The following EDARADD variants were observed in gnomAD, a reference collection of about 807,000 sequenced individuals.
EDARADD encodes the protein EDAR associated via death domain.
A neutral mutation model predicts 25.6 loss-of-function variants in EDARADD; 20 were observed. That is an observed-to-expected ratio of 0.78 (90% confidence interval 0.55 to 1.14). The LOEUF is 1.14. Among genes scored for constraint, EDARADD ranks in the 50% most tolerant of loss-of-function variants. EDARADD has a pLI of 0.00. For synonymous variants in EDARADD, 86 were observed against 94.4 expected, an observed-to-expected ratio of 0.91 and a Z score of 0.52; for missense variants, 225 against 270.1, an observed-to-expected ratio of 0.83 and a Z score of 1.17.
intron 4 of EDARADD, among the ~76,000 whole-genome samples, chr1:236,463,054 T>TTA (rs1367279202): frequency 3.7e-5 from 4 of 107,684 alleles, no homozygotes; most frequent in Non-Finnish European, 8.0e-5. Context: ...TTACATTAAT[T>TTA]TACACACACA....
Position 236,380,062 on chromosome 1 carries a change from C to T in EDARADD, c.-5-29154C>T, listed in dbSNP as rs183682623. Among the ~76,000 whole-genome samples the T allele has an allele frequency of 1.8e-4, 28 of 152,276 alleles. 1 individual carries two copies. Among genetic ancestry groups the T allele is most frequent in the African/African-American group, 6.3e-4 (26 of 41,560 alleles). On this transcript the variant is annotated intron_variant, in intron 3 of 7. Transcript: ENST00000439430. ...CTGAGCTGCTGTTTGCCTTTGGTGC[C>T]CGTACCTGCCTCTCAGTGTACTTCC...
chr1:236,434,477 C>A (rs973759011), intron 4 of EDARADD, among the ~76,000 whole-genome samples: 2 of 152,080 alleles, frequency 1.3e-5, no homozygotes, highest in Non-Finnish European at 2.9e-5. Flanking sequence ...TGACCTCAAG[C>A]GATCCACCCG....
chr1:236,423,193 G>A (rs1657824899), intron 3 of EDARADD, among the ~76,000 whole-genome samples: 1 of 152,138 alleles, frequency 6.6e-6, no homozygotes, highest in Admixed American at 6.5e-5. Context: ...GCAAGTACTG[G>A]CATCAATGAG....
chr1:236,394,420 T>C lies in EDARADD; in HGVS notation c.-25T>C. 1 of 1,613,852 alleles carries C rather than the reference T, an allele frequency of 6.2e-7. No individual in the cohort carries two copies. Among genetic ancestry groups the C allele is most frequent in the African/African-American group, 1.3e-5 (1 of 75,018 alleles). Reference sequence around the variant, plus strand: ...TTCTTCCATGGCAAACTCCAGAGAATTAAGAAGCCAAACTCAACATCGCCA... The same window carrying C: ...TTCTTCCATGGCAAACTCCAGAGAACTAAGAAGCCAAACTCAACATCGCCA... On this transcript the variant is annotated 5_prime_UTR_variant, in exon 1 of 6. Coordinates refer to ENST00000334232, the MANE Select transcript of EDARADD (RefSeq NM_145861.4).
Position 236,395,492 on chromosome 1 carries a change from C to T in EDARADD, c.61+987C>T. 1 of 1,521,062 alleles carries T rather than the reference C, an allele frequency of 6.6e-7. No homozygotes were observed. The highest frequency in any genetic ancestry group is 8.8e-7 in the Non-Finnish European group (1 of 1,138,078). 94.2% of individuals were successfully genotyped at this position (1,521,062 alleles called of 1,614,324 possible). ...GAAGGGAGGGGAAGGCGGAGGAGGG[C>T]AGGGGCGCGCAGAGCCACGGTTTGC... On this transcript the variant is annotated intron_variant, in intron 1 of 5. Transcript: ENST00000334232. The surrounding 1 kb of genome is among the most constrained non-coding windows in gnomAD (Gnocchi z 6.9).
At chr1:236,388,999 A>T (rs1667389431) in intron 3 of EDARADD, among the ~76,000 whole-genome samples, 1 of 41,524 alleles carries the variant, frequency 2.4e-5, no homozygotes, top group Non-Finnish European at 5.7e-5. Context: ...ACCAAAGCAA[A>T]CATCCCTCAA....
chr1:236,428,053 G>T (rs1208235624), intron 4 of EDARADD, among the ~76,000 whole-genome samples: 1 of 151,848 alleles, frequency 6.6e-6, no homozygotes, highest in Non-Finnish European at 1.5e-5. Context: ...GACAATAGTG[G>T]AGGGAAGGTC....
Position 236,363,030 on chromosome 1 carries a change from T to TATATATAA in EDARADD, c.-6+12194_-6+12195insTATAAATA, listed in dbSNP as rs796610771. Among the ~76,000 whole-genome samples, 583 of 101,736 alleles carry TATATATAA rather than the reference T, an allele frequency of 5.7e-3. 14 individuals are homozygous for TATATATAA. The highest frequency in any genetic ancestry group is 0.012 in the East Asian group (21 of 1,736). The allele number at this position is 101,736 out of a possible 152,430, so 66.7% of individuals were successfully genotyped here. A position where few individuals can be genotyped will look rare whatever the true frequency, so the allele number is the denominator to read the frequency against. On this transcript the variant is annotated intron_variant, in intron 3 of 7. Transcript: ENST00000439430. ...AAATATATATATATATATATATATATATAAAATTTGTGTACAGACAGAGTC... is the reference window on the plus strand; with the variant it reads ...AAATATATATATATATATATATATATATATATAAATAAAATTTGTGTACAGACAGAGTC...
intron 1 of EDARADD, among the ~76,000 whole-genome samples, chr1:236,404,158 G>A (rs1479912503): frequency 6.6e-6 from 1 of 152,196 alleles, no homozygotes; most frequent in Non-Finnish European, 1.5e-5. Context: ...AGATATCAGA[G>A]CCTTGCCTGA....
At chr1:236,403,357 G>A (rs1368860409) in intron 1 of EDARADD, among the ~76,000 whole-genome samples, 4 of 152,038 alleles carry the variant, frequency 2.6e-5, no homozygotes, top group Non-Finnish European at 5.9e-5. Flanking sequence ...GCGTGATCTC[G>A]ACTCACTGCA....
Position 236,427,244 on chromosome 1 carries a change from G to A in EDARADD, c.161-148G>A, listed in dbSNP as rs1657944595. On this transcript the variant is annotated intron_variant, in intron 3 of 5. Coordinates refer to ENST00000334232, the MANE Select transcript of EDARADD (RefSeq NM_145861.4). ...CTTATCCTTAAGAGCAGAGTTTGGA[G>A]AGGAATTTGTAGTCCAGCCCTTCTG... is the stretch of plus-strand genomic sequence containing the variant. The A allele has an allele frequency of 7.1e-6, 5 of 704,434 alleles. No homozygotes were observed. In the Admixed American group the frequency reaches 1.4e-4, roughly 20 times the overall value. The allele number at this position is 704,434 out of a possible 1,614,324, so 43.6% of individuals were successfully genotyped here.
At chr1:236,452,538 G>A (rs1295257997) in intron 4 of EDARADD, among the ~76,000 whole-genome samples, 1 of 151,936 alleles carries the variant, frequency 6.6e-6, no homozygotes, top group Non-Finnish European at 1.5e-5. Context: ...TGTAAGACGT[G>A]CCCTGCTTCT....
At chr1:236,477,534 T>C (rs1355523620) in intron 5 of EDARADD, among the ~76,000 whole-genome samples, 3 of 151,930 alleles carry the variant, frequency 2.0e-5, no homozygotes, top group Admixed American at 2.0e-4. Context: ...CAAACTGATG[T>C]GGGGGTTCCA....
At chr1:236,444,319 A>G (rs1470060997) in intron 4 of EDARADD, among the ~76,000 whole-genome samples, 1 of 150,184 alleles carries the variant, frequency 6.7e-6, no homozygotes, top group East Asian at 1.9e-4. Flanking sequence ...AAATGACCCT[A>G]TGCAGGATGT....
chr1:236,446,104 T>C (rs1024017542), intron 4 of EDARADD, among the ~76,000 whole-genome samples: 4 of 152,210 alleles, frequency 2.6e-5, no homozygotes, highest in Admixed American at 1.3e-4. Context: ...TCCATTTTAC[T>C]CTAAGAGAAG....
chr1:236,369,867 G>A (rs1431342572), intron 3 of EDARADD, among the ~76,000 whole-genome samples: 1 of 150,574 alleles, frequency 6.6e-6, no homozygotes, highest in Non-Finnish European at 1.5e-5. Context: ...AAAAAAAATT[G>A]TTATCATATT....
chr1:236,402,475 T>G (rs988368013), intron 1 of EDARADD, among the ~76,000 whole-genome samples: 3 of 152,184 alleles, frequency 2.0e-5, no homozygotes, highest in African/African-American at 7.2e-5. Flanking sequence ...AAGGATTGCT[T>G]GAGCCCAGGA....
intron 4 of EDARADD, among the ~76,000 whole-genome samples, chr1:236,455,501 T>C (rs1414246466): frequency 2.0e-5 from 3 of 152,240 alleles, no homozygotes; most frequent in Non-Finnish European, 4.4e-5. Flanking sequence ...GAAAATCAGA[T>C]CGTTCTGGTT....
At chr1:236,481,885 G>A (rs1468896210) in intron 5 of EDARADD, among the ~76,000 whole-genome samples, 3 of 151,726 alleles carry the variant, frequency 2.0e-5, no homozygotes, top group South Asian at 2.1e-4. Flanking sequence ...AGGCCGAGGC[G>A]GGTGGATCAC....
Sources: allele counts gnomAD v4.1 joint callset (sites outside exome capture counted in the v4.1 genomes callset), GRCh38; gene constraint gnomAD v4.1.1; non-coding constraint Gnocchi (gnomAD v3.1); transcripts MANE v1.5; gene names NCBI Gene and HGNC (gene_info 2026-07-23, HGNC 2026-07-21).